Variants in ACTL9 observed in about 807,000 individuals in gnomAD.
The protein encoded by ACTL9 is actin-like protein 9.
A neutral mutation model predicts 0.9 loss-of-function variants in ACTL9; 1 was observed. That is an observed-to-expected ratio of 1.10 (90% CI 0.39 to 5.23). ACTL9 has a LOEUF of 5.23. Ranked by LOEUF, ACTL9 falls within the 30% of genes most tolerant of loss-of-function variation. ACTL9 has a pLI of 0.16. For synonymous variants in ACTL9, 283 were observed against 269.5 expected, an observed-to-expected ratio of 1.05 and a Z score of -0.49; for missense variants, 597 against 566.8, an observed-to-expected ratio of 1.05 and a Z score of -0.54.
rs1568430869 is a variant in ACTL9, at chr19:8,697,458, C to T, written c.1244G>A (p.Cys415Tyr). 3 of 1,590,844 alleles carry T rather than the reference C, an allele frequency of 1.9e-6. No homozygotes were observed. The highest frequency in any genetic ancestry group is 1.3e-5 in the African/African-American group (1 of 74,118). ...EQGPYIVYRK[C>Y]Y ...TCCCCAGCTCTGCCCTGGTCAGTAGCATTTGCGGTACACGATATAGGGACC... is the reference window on the plus strand; with the variant it reads ...TCCCCAGCTCTGCCCTGGTCAGTAGTATTTGCGGTACACGATATAGGGACC... The change falls in exon 1 of 1, where the codon TGC (cysteine) becomes TAC (tyrosine). Residue 415 changes from cysteine (C) to tyrosine (Y), a missense_variant. Coordinates refer to ENST00000324436, the MANE Select transcript of ACTL9 (RefSeq NM_178525.5). This position sits in a 1 kb window ranked among gnomAD's most constrained non-coding sequence, Gnocchi z 4.3.
Position 8,697,802 on chromosome 19 carries a change from C to T in ACTL9, c.900G>A (p.Leu300=). ...CCGGGACCTCTGGGGGGTTGAACAG[C>T]AGCTCCGGACACTGGAACAGCTCCT... ...LGKELFQCPE[L]LFNPPEVPGL... The change falls in exon 1 of 1, where the codon CTG becomes CTA. Residue 300 remains leucine, a synonymous_variant. Coordinates refer to ENST00000324436, the MANE Select transcript of ACTL9 (RefSeq NM_178525.5). This position sits in a 1 kb window ranked among gnomAD's most constrained non-coding sequence, Gnocchi z 4.3. 1 of 1,613,180 alleles carries T rather than the reference C, an allele frequency of 6.2e-7. No individual in the cohort carries two copies.
Position 8,698,009 on chromosome 19 carries a change from G to A in ACTL9, c.693C>T (p.Phe231=), listed in dbSNP as rs1555753372. 6 of 1,604,164 alleles carry A rather than the reference G, an allele frequency of 3.7e-6. No homozygotes were observed. The highest frequency in any genetic ancestry group is 5.1e-6 in the Non-Finnish European group (6 of 1,179,786). ...CGGCCTGGAGCAGCATCTCCGCCAG[G>A]AAGGCGGTCAGGTTGTTGCCCGCCA... ...LDLAGNNLTA[F]LAEMLLQAGL... The change falls in exon 1 of 1, where the codon TTC becomes TTT. Residue 231 remains phenylalanine, a synonymous_variant. Transcript: ENST00000324436.
In ACTL9 at chr19:8,697,626, A is replaced by G. The variant is rs1555753272; in HGVS notation, c.1076T>C (p.Leu359Pro). ...GTGGGTCTCGGCTGGCAGAGCGCGC[A>G]GCAGCTCTGCCCGGAAGCGACCCTC... ...GFEGRFRAEL[L>P]RALPAETHVV... is the part of the protein sequence containing the mutation. The change falls in exon 1 of 1, where the codon CTG becomes CCG. Residue 359 changes from leucine (L) to proline (P), a missense_variant. Transcript: ENST00000324436. The surrounding 1 kb of genome is among the most constrained non-coding windows in gnomAD (Gnocchi z 4.3). 1 of 1,612,358 alleles carries G rather than the reference A, an allele frequency of 6.2e-7. No individual in the cohort carries two copies. The highest frequency in any genetic ancestry group is 2.2e-5 in the East Asian group (1 of 44,858).
Position 8,697,564 on chromosome 19 carries a change from C to T in ACTL9, c.1138G>A (p.Val380Ile), listed in dbSNP as rs532021673. ...GCCAGGATGGAGCCCCCGATCCATA[C>T]GGAGAAATTCCTGGTGGGCTGGGCA... ...VAAQPTRNFSVWIGGSILASL... is the reference protein window; with the variant it reads ...VAAQPTRNFSIWIGGSILASL... Residue 380 changes from valine to isoleucine, a missense_variant, in exon 1 of 1, where the codon GTA becomes ATA. Val to Ile is a conservative substitution (Grantham distance 29). Transcript: ENST00000324436. The surrounding 1 kb of genome is among the most constrained non-coding windows in gnomAD (Gnocchi z 4.3). The T allele has an allele frequency of 1.4e-5, 23 of 1,613,730 alleles. No homozygotes were observed. In the African/African-American group the frequency reaches 1.9e-4, roughly 13 times the overall value.
rs1555753205 is a variant in ACTL9, at chr19:8,697,415, T to C, written c.*36A>G. 3 of 1,533,538 alleles carry C rather than the reference T, an allele frequency of 2.0e-6. No individual in the cohort carries two copies. In the African/African-American group the frequency reaches 4.1e-5, roughly 21 times the overall value. 95.0% of individuals were successfully genotyped at this position (1,533,538 alleles called of 1,614,324 possible). On this transcript the variant is annotated 3_prime_UTR_variant, in exon 1 of 1. Coordinates refer to ENST00000324436, the MANE Select transcript of ACTL9 (RefSeq NM_178525.5). This position sits in a 1 kb window ranked among gnomAD's most constrained non-coding sequence, Gnocchi z 4.3. ...GGACAGAGCCGGCTGTAGCAGAGGC[T>C]TTACTGCCCCCACGCCCTCCCCAGC...
rs371512556 is a variant in ACTL9 at position 8,697,788 on chromosome 19, G to A, written c.914C>T (p.Pro305Leu). ...FQCPELLFNPPEVPGLSPVGL... is the reference protein window; with the variant it reads ...FQCPELLFNPLEVPGLSPVGL... Reference sequence around the variant, plus strand: ...GACGGGTGACAGCCCCGGGACCTCTGGGGGGTTGAACAGCAGCTCCGGACA... The same window carrying A: ...GACGGGTGACAGCCCCGGGACCTCTAGGGGGTTGAACAGCAGCTCCGGACA... The change falls in exon 1 of 1, where the codon CCA becomes CTA. Residue 305 changes from proline (P) to leucine (L), a missense_variant. Physicochemically the swap from Pro to Leu is moderately conservative, Grantham distance 98 (BLOSUM62 -3). Coordinates refer to ENST00000324436, the MANE Select transcript of ACTL9 (RefSeq NM_178525.5). The surrounding 1 kb of genome is among the most constrained non-coding windows in gnomAD (Gnocchi z 4.3). 1.2e-6 allele frequency: 2 copies of A among 1,613,166 alleles called. No homozygotes were observed. The highest frequency in any genetic ancestry group is 2.2e-5 in the East Asian group (1 of 44,884).
rs1555753221 is a variant in ACTL9, at chr19:8,697,464, C to T, written c.1238G>A (p.Arg413His). The change falls in exon 1 of 1, where the codon CGC becomes CAC. Residue 413 changes from arginine to histidine, a missense_variant. Coordinates refer to ENST00000324436, the MANE Select transcript of ACTL9 (RefSeq NM_178525.5). The surrounding 1 kb of genome is among the most constrained non-coding windows in gnomAD (Gnocchi z 4.3). ...GCTCTGCCCTGGTCAGTAGCATTTG[C>T]GGTACACGATATAGGGACCCTGTTC... is the stretch of plus-strand genomic sequence containing the variant. ...YEEQGPYIVY[R>H]KCY The T allele has an allele frequency of 4.4e-6, 7 of 1,594,276 alleles. No homozygotes were observed. In the South Asian group the frequency reaches 6.8e-5, roughly 15 times the overall value.
In ACTL9 at chr19:8,698,676, G is replaced by A. The variant is rs1231763936; in HGVS notation, c.26C>T (p.Ser9Leu). The A allele has an allele frequency of 7.8e-6, 12 of 1,542,202 alleles. No individual in the cohort carries two copies. In the Middle Eastern group the frequency reaches 7.0e-4, roughly 90 times the overall value. Residue 9 changes from serine to leucine, a missense_variant, in exon 1 of 1, where the codon TCG (serine) becomes TTG (leucine). By Grantham distance (145) the Ser-to-Leu change is moderately radical. Transcript: ENST00000324436. ...GGCCTCCAGGGAGGACTGGGATTCC[G>A]AGGACTTGGGGCGACTTGCATCCAT... MDASRPKS[S>L]ESQSSLEAPR... is the part of the protein sequence containing the mutation.
Position 8,697,732 on chromosome 19 carries a change from G to A in ACTL9, c.970C>T (p.Arg324Cys), listed in dbSNP as rs782435064. 5 of 1,613,132 alleles carry A rather than the reference G, an allele frequency of 3.1e-6. No individual in the cohort carries two copies. The East Asian group carries it at 6.7e-5, about 22-fold the overall frequency. ...GLSTMAKQSL[R>C]KLSLEMRADL... ...GCGCGCATCTCCAGTGACAACTTGC[G>A]GAGACTCTGCTTGGCCATGGTGGAG... Residue 324 changes from arginine to cysteine, a missense_variant, in exon 1 of 1, where the codon CGC (arginine) becomes TGC (cysteine). Arg to Cys is a radical substitution (Grantham distance 180). Coordinates refer to ENST00000324436, the MANE Select transcript of ACTL9 (RefSeq NM_178525.5). The surrounding 1 kb of genome is among the most constrained non-coding windows in gnomAD (Gnocchi z 4.3).
Position 8,698,040 on chromosome 19 carries a change from A to G in ACTL9, c.662T>C (p.Leu221Pro). The change falls in exon 1 of 1, where the codon CTG becomes CCG. Residue 221 changes from leucine (L) to proline (P), a missense_variant. By Grantham distance (98) the Leu-to-Pro change is moderately conservative. Transcript: ENST00000324436. The stretch of plus-strand genomic sequence containing the variant: ...GGTCAGGTTGTTGCCCGCCAGGTCC[A>G]GACGCTCCGTGGCGTGGAGCAGGTT... ...GYNLLHATER[L>P]DLAGNNLTAF... 1 of 1,601,740 alleles carries G rather than the reference A, an allele frequency of 6.2e-7. No homozygotes were observed. Among genetic ancestry groups the G allele is most frequent in the Non-Finnish European group, 8.5e-7 (1 of 1,179,866 alleles).
Position 8,698,276 on chromosome 19 carries a change from G to A in ACTL9, c.426C>T (p.His142=), listed in dbSNP as rs555609932. 11 of 1,547,280 alleles carry A rather than the reference G, an allele frequency of 7.1e-6. No homozygotes were observed. The Admixed American group carries it at 1.1e-4, about 16-fold the overall frequency. The part of the protein sequence containing the change: ...LLEHDLRVAT[H]DHPLLFSDPP... Reference sequence around the variant, plus strand: ...GGTCGGAGAACAGCAGCGGGTGGTCGTGGGTGGCCACTCGGAGGTCGTGCT... The same window carrying A: ...GGTCGGAGAACAGCAGCGGGTGGTCATGGGTGGCCACTCGGAGGTCGTGCT... The change falls in exon 1 of 1, where the codon CAC becomes CAT. Residue 142 remains histidine (H), a synonymous_variant. Coordinates refer to ENST00000324436, the MANE Select transcript of ACTL9 (RefSeq NM_178525.5).
rs1216275270 is a variant in ACTL9, at chr19:8,698,763, T to A, written c.-62A>T. The stretch of plus-strand genomic sequence containing the variant: ...GGGTTGGGGTTGCGGGGAGAAGAGG[T>A]TGAGGCCCGGCCAGTGGGGAGGGCA... On this transcript the variant is annotated 5_prime_UTR_variant, in exon 1 of 1. Transcript: ENST00000324436. 9.8e-6 allele frequency: 14 copies of A among 1,424,376 alleles called. No homozygotes were observed. The East Asian group carries it at 1.0e-4, about 10-fold the overall frequency. 88.2% of individuals were successfully genotyped at this position (1,424,376 alleles called of 1,614,324 possible). A position where few individuals can be genotyped will look rare whatever the true frequency, so the allele number is the denominator to read the frequency against.
In ACTL9 at chr19:8,698,409, A is replaced by C. The variant is rs782455078; in HGVS notation, c.293T>G (p.Ile98Ser). The C allele has an allele frequency of 2.6e-6, 4 of 1,516,952 alleles. No homozygotes were observed. In the Admixed American group the frequency reaches 8.8e-5, roughly 33 times the overall value. 94.0% of individuals were successfully genotyped at this position (1,516,952 alleles called of 1,614,324 possible). A position where few individuals can be genotyped will look rare whatever the true frequency, so the allele number is the denominator to read the frequency against. The change falls in exon 1 of 1, where the codon ATC (isoleucine) becomes AGC (serine). Residue 98 changes from isoleucine (I) to serine (S), a missense_variant. Physicochemically the swap from Ile to Ser is moderately radical, Grantham distance 142 (BLOSUM62 -2). Coordinates refer to ENST00000324436, the MANE Select transcript of ACTL9 (RefSeq NM_178525.5). Reference sequence around the variant, plus strand: ...TGGGAGCACGCGGGCTGCCTCGCCGATGAACGTCTGCAGCCCGGACTGCCC... The same window carrying C: ...TGGGAGCACGCGGGCTGCCTCGCCGCTGAACGTCTGCAGCCCGGACTGCCC... Reference protein sequence around the residue: ...TSGQSGLQTFIGEAARVLPEL... With the variant: ...TSGQSGLQTFSGEAARVLPEL...
rs1351562356 is a variant in ACTL9 at position 8,697,647 on chromosome 19, C to T, written c.1055G>A (p.Gly352Asp). The change falls in exon 1 of 1, where the codon GGT (glycine) becomes GAT (aspartate). Residue 352 changes from glycine to aspartate, a missense_variant. Transcript: ENST00000324436. This position sits in a 1 kb window ranked among gnomAD's most constrained non-coding sequence, Gnocchi z 4.3. ...GGSSLFTGFE[G>D]RFRAELLRAL... is the part of the protein sequence containing the mutation. ...GCGCAGCAGCTCTGCCCGGAAGCGA[C>T]CCTCGAAGCCGGTGAAGAGCGAGGA... The T allele has an allele frequency of 6.2e-7, 1 of 1,612,414 alleles. No homozygotes were observed. The highest frequency in any genetic ancestry group is 8.5e-7 in the Non-Finnish European group (1 of 1,179,696).
chr19:8,697,875 T>C lies in ACTL9; in HGVS notation c.827A>G (p.Tyr276Cys), dbSNP rs2146191002. 6.2e-7 allele frequency: 1 copy of C among 1,613,310 alleles called. No individual in the cohort carries two copies. The highest frequency in any genetic ancestry group is 8.5e-7 in the Non-Finnish European group (1 of 1,179,940). Residue 276 changes from tyrosine (Y) to cysteine (C), a missense_variant, in exon 1 of 1, where the codon TAC becomes TGC. Transcript: ENST00000324436. This position sits in a 1 kb window ranked among gnomAD's most constrained non-coding sequence, Gnocchi z 4.3. ...ATCGGGCAGCTTCAGAGTCCGCTTG[T>C]ACTCCTGCTCCGGCCGGGCCTGCTC... Reference protein sequence around the residue: ...QKEQARPEQEYKRTLKLPDGR... With the variant: ...QKEQARPEQECKRTLKLPDGR...
In ACTL9 at chr19:8,698,523, G is replaced by A. The variant is rs369410953; in HGVS notation, c.179C>T (p.Thr60Ile). 3 of 1,604,838 alleles carry A rather than the reference G, an allele frequency of 1.9e-6. No individual in the cohort carries two copies. The highest frequency in any genetic ancestry group is 2.7e-5 in the African/African-American group (2 of 74,754). The change falls in exon 1 of 1, where the codon ACC (threonine) becomes ATC (isoleucine). Residue 60 changes from threonine (T) to isoleucine (I), a missense_variant. Transcript: ENST00000324436. The stretch of plus-strand genomic sequence containing the variant: ...CTGCCCAGCAAAACCTACCTTACAG[G>A]TGCCTGTGCCCATGTCAATAACCAC... ...GAVVIDMGTG[T>I]CKVGFAGQAS... is the part of the protein sequence containing the mutation.
At position 8,698,334 on chromosome 19, in the gene ACTL9, T is replaced by C; in HGVS notation, c.368A>G (p.Asp123Gly). The change falls in exon 1 of 1, where the codon GAT (aspartate) becomes GGT (glycine). Residue 123 changes from aspartate to glycine, a missense_variant. Transcript: ENST00000324436. ...PLRSGIVVDW[D>G]AAELIWRHLL... is the part of the protein sequence containing the mutation. ...GTGGCGCCAGATGAGCTCGGCGGCA[T>C]CCCAGTCCACGACGATGCCGCTGCG... The C allele has an allele frequency of 6.6e-7, 1 of 1,525,504 alleles. No homozygotes were observed. Among genetic ancestry groups the C allele is most frequent in the Non-Finnish European group, 8.8e-7 (1 of 1,135,404 alleles). The allele number at this position is 1,525,504 out of a possible 1,614,324, so 94.5% of individuals were successfully genotyped here.
Position 8,698,678 on chromosome 19 carries a change from G to A in ACTL9, c.24C>T (p.Ser8=). 3 of 1,534,736 alleles carry A rather than the reference G, an allele frequency of 2.0e-6. No homozygotes were observed. The highest frequency in any genetic ancestry group is 2.6e-6 in the Non-Finnish European group (3 of 1,135,000). MDASRPK[S]SESQSSLEAP... The stretch of plus-strand genomic sequence containing the variant: ...CCTCCAGGGAGGACTGGGATTCCGA[G>A]GACTTGGGGCGACTTGCATCCATGG... Residue 8 remains serine (S), a synonymous_variant, in exon 1 of 1, where the codon TCC becomes TCT. Transcript: ENST00000324436.
chr19:8,698,261 C>G lies in ACTL9; in HGVS notation c.441G>C (p.Leu147=), dbSNP rs782075725. ...LRVATHDHPL[L]FSDPPFSPAT... ...CCGGGCTGAAGGGTGGGTCGGAGAACAGCAGCGGGTGGTCGTGGGTGGCCA... is the reference window on the plus strand; with the variant it reads ...CCGGGCTGAAGGGTGGGTCGGAGAAGAGCAGCGGGTGGTCGTGGGTGGCCA... The change falls in exon 1 of 1, where the codon CTG becomes CTC. Residue 147 remains leucine, a synonymous_variant. Transcript: ENST00000324436. 12 of 1,560,300 alleles carry G rather than the reference C, an allele frequency of 7.7e-6. No individual in the cohort carries two copies. In the Admixed American group the frequency reaches 2.0e-4, roughly 26 times the overall value.
Sources: gnomAD v4.1 joint callset for allele counts on GRCh38, gnomAD v4.1.1 for gene constraint, Gnocchi (gnomAD v3.1) non-coding constraint, MANE v1.5 for transcripts, NCBI Gene and HGNC (gene_info 2026-07-23, HGNC 2026-07-21) for gene names.